MAGI2: variants seen among roughly 807,000 people sequenced by gnomAD.
The protein encoded by MAGI2 is membrane associated guanylate kinase, WW and PDZ domain containing 2.
A neutral mutation model predicts 133.3 loss-of-function variants in MAGI2; 35 were observed. That is an observed-to-expected ratio of 0.26 (90% CI 0.20 to 0.35). MAGI2 has a LOEUF of 0.35. Among genes scored for constraint, MAGI2 ranks in the 10% least tolerant of loss-of-function variants. The pLI is 1.00. For missense variants in MAGI2, 1,636 were observed against 1,863.4 expected (o/e 0.88, Z 2.25); for synonymous variants, 729 against 710.6 (o/e 1.03, Z -0.41).
At chr7:78,267,979 A>G (rs1794181298) in intron 9 of MAGI2, among the ~76,000 whole-genome samples, 1 of 152,184 alleles carries the variant, frequency 6.6e-6, no homozygotes, top group Non-Finnish European at 1.5e-5. Flanking sequence ...AATCATCACC[A>G]AAGATTTTAA....
At chr7:78,381,613 A>T (rs192242415) in intron 6 of MAGI2, among the ~76,000 whole-genome samples, 21 of 152,292 alleles carry the variant, frequency 1.4e-4, no homozygotes, top group Admixed American at 5.2e-4. Context: ...AGGGAAAAAA[A>T]CCTAACCACC....
At chr7:78,470,091 T>G (rs934475713) in intron 6 of MAGI2, among the ~76,000 whole-genome samples, 6 of 152,228 alleles carry the variant, frequency 3.9e-5, no homozygotes, top group African/African-American at 1.4e-4. Context: ...CATGCATCTT[T>G]CTCACTGTCA....
intron 21 of MAGI2, among the ~76,000 whole-genome samples, chr7:78,034,539 T>C (rs984976738): frequency 6.6e-6 from 1 of 152,184 alleles, no homozygotes; most frequent in Non-Finnish European, 1.5e-5. Flanking sequence ...TATTTTATTT[T>C]ATTTTTTAGA....
intron 10 of MAGI2, among the ~76,000 whole-genome samples, chr7:78,207,869 G>T (rs1166610731): frequency 5.9e-5 from 9 of 151,974 alleles, no homozygotes; most frequent in African/African-American, 2.2e-4. Context: ...ATCCATTTTT[G>T]TTGTTGTTGT....
intron 1 of MAGI2, among the ~76,000 whole-genome samples, chr7:79,231,427 A>AT (rs1170950193): frequency 2.6e-5 from 2 of 78,006 alleles, no homozygotes; most frequent in African/African-American, 7.4e-5. Context: ...ACCCATGACC[A>AT]TGGAATGTTC....
At chr7:78,904,006 A>T (rs1797818075) in intron 2 of MAGI2, 1 of 152,168 alleles carries the variant, frequency 6.6e-6, no homozygotes, top group Non-Finnish European at 1.5e-5. Context: ...TTTTAACTAC[A>T]TCTCTAGGAC....
chr7:79,357,705 A>G (rs1842114003), intron 1 of MAGI2, among the ~76,000 whole-genome samples: 1 of 152,162 alleles, frequency 6.6e-6, no homozygotes, highest in Non-Finnish European at 1.5e-5. Context: ...AATCTTTAAG[A>G]AATGGAACCC....
At chr7:78,631,195 C>T (rs938610868) in intron 2 of MAGI2, among the ~76,000 whole-genome samples, 4 of 152,182 alleles carry the variant, frequency 2.6e-5, no homozygotes, top group Admixed American at 2.6e-4. Context: ...ATCTTGCTCC[C>T]CTGTTCATGC....
chr7:78,974,250 G>A (rs1024332403), intron 2 of MAGI2, among the ~76,000 whole-genome samples: 65 of 151,566 alleles, frequency 4.3e-4, no homozygotes, highest in Admixed American at 1.2e-3. Context: ...AACTAGGAGG[G>A]TTTAAATATC....
chr7:78,642,210 G>T (rs2150990800), intron 2 of MAGI2, among the ~76,000 whole-genome samples: 1 of 152,218 alleles, frequency 6.6e-6, no homozygotes, highest in South Asian at 2.1e-4. Context: ...AGTATTCACA[G>T]TAATATTTTA....
chr7:78,642,381 C>T (rs969653120), intron 2 of MAGI2, among the ~76,000 whole-genome samples: 6 of 152,120 alleles, frequency 3.9e-5, no homozygotes, highest in Non-Finnish European at 8.8e-5. Flanking sequence ...AAAGAACTAT[C>T]TTAGGTTAAG....
chr7:78,349,744 TA>T (rs956272466), intron 7 of MAGI2, among the ~76,000 whole-genome samples: 1 of 152,188 alleles, frequency 6.6e-6, no homozygotes, highest in East Asian at 1.9e-4. Context: ...ATTTGAAACT[TA>T]AAATGCTCAC....
intron 1 of MAGI2, among the ~76,000 whole-genome samples, chr7:79,046,798 A>G (rs532863296): frequency 1.3e-5 from 2 of 152,188 alleles, no homozygotes; most frequent in Non-Finnish European, 2.9e-5. Context: ...TCTAATCATC[A>G]TCTAAACTTA....
At chr7:78,415,816 C>T (rs1453054814) in intron 6 of MAGI2, among the ~76,000 whole-genome samples, 1 of 152,138 alleles carries the variant, frequency 6.6e-6, no homozygotes, top group African/African-American at 2.4e-5. Flanking sequence ...ACATGAACCA[C>T]AGTTACTTTA....
chr7:78,363,996 C>G (rs993670538), intron 7 of MAGI2, among the ~76,000 whole-genome samples: 20 of 152,142 alleles, frequency 1.3e-4, no homozygotes, highest in African/African-American at 4.8e-4. Flanking sequence ...CCCTCCCCTC[C>G]CCTTCCTCAT....
In MAGI2 at chr7:78,754,370, CAAATAAATAAAT is replaced by C. The variant is rs1554555812; in HGVS notation, c.419-127143_419-127132del. Among the ~76,000 whole-genome samples, 373 of 147,278 alleles carry C rather than the reference CAAATAAATAAAT, an allele frequency of 2.5e-3. 3 individuals carry two copies. Among genetic ancestry groups the C allele is most frequent in the Middle Eastern group, 0.017 (5 of 290 alleles). The stretch of plus-strand genomic sequence containing the variant: ...TGGGCAGCAGAGCCAGACCCTGTCT[CAAATAAATAAAT>C]AAATAAATAAATAAATAAATAAATA... On this transcript the variant is annotated intron_variant, in intron 2 of 21. Coordinates refer to ENST00000354212, the MANE Select transcript of MAGI2 (RefSeq NM_012301.4).
intron 1 of MAGI2, among the ~76,000 whole-genome samples, chr7:79,144,030 T>A (rs191546165): frequency 1.6e-4 from 25 of 152,288 alleles, no homozygotes; most frequent in African/African-American, 5.8e-4. Context: ...TTCACAGCAT[T>A]ACCAAACATA....
intron 2 of MAGI2, among the ~76,000 whole-genome samples, chr7:78,976,713 C>CAAA (rs57312292): frequency 0.016 from 2,369 of 146,978 alleles, 43 homozygotes; most frequent in African/African-American, 0.05. Flanking sequence ...AAAAAAACTA[C>CAAA]AAAAAAAAAA....
chr7:78,974,832 A>G (rs934492153), intron 2 of MAGI2, among the ~76,000 whole-genome samples: 10 of 151,732 alleles, frequency 6.6e-5, no homozygotes, highest in Admixed American at 6.6e-4. Flanking sequence ...CATCCACCTA[A>G]CCAAAACACC....
Sources: gnomAD v4.1 joint callset for allele counts (sites outside exome capture counted in the v4.1 genomes callset) on GRCh38, gnomAD v4.1.1 for gene constraint, MANE v1.5 for transcripts, NCBI Gene and HGNC (gene_info 2026-07-23, HGNC 2026-07-21) for gene names.